The following DTNB variants were observed in gnomAD, a reference collection of about 807,000 sequenced individuals.
DTNB encodes dystrobrevin beta.
Under a neutral mutation model 90.7 loss-of-function variants are expected in DTNB, and 63 were observed. That is an observed-to-expected ratio of 0.69 (90% CI 0.57 to 0.86). DTNB has a LOEUF of 0.86. DTNB is among the 40% of genes least tolerant of loss of function. The pLI, the probability that DTNB is intolerant of heterozygous loss-of-function variation, is 0.00. For missense variants in DTNB, 744 were observed against 807.1 expected, an observed-to-expected ratio of 0.92 and a Z score of 0.95; for synonymous variants, 277 against 286.7, an observed-to-expected ratio of 0.97 and a Z score of 0.34.
At chr2:25,552,567 T>G (rs2056489011) in intron 8 of DTNB, among the ~76,000 whole-genome samples, 1 of 152,196 alleles carries the variant, frequency 6.6e-6, no homozygotes, top group Non-Finnish European at 1.5e-5. Flanking sequence ...TTAGCAGCAA[T>G]GCTCGCCTGC....
chr2:25,387,076 T>C lies in DTNB; in HGVS notation c.1825+213A>G. On this transcript the variant is annotated intron_variant, in intron 18 of 20. Transcript: ENST00000406818. The surrounding 1 kb of genome is among the most constrained non-coding windows in gnomAD (Gnocchi z 4.5). ...TGCTCCACAAGATGCACTCCTGAGA[T>C]AGGCCTGAATGTGAAACCGCCCCTA... is the stretch of plus-strand genomic sequence containing the variant. 3 of 535,218 alleles carry C rather than the reference T, an allele frequency of 5.6e-6. No individual in the cohort carries two copies. Among genetic ancestry groups the C allele is most frequent in the East Asian group, 2.9e-5 (1 of 34,646 alleles). 33.2% of individuals were successfully genotyped at this position (535,218 alleles called of 1,614,324 possible). A position where few individuals can be genotyped will look rare whatever the true frequency, so the allele number is the denominator to read the frequency against.
At chr2:25,395,439 A>C (rs1027379187) in intron 16 of DTNB, among the ~76,000 whole-genome samples, 3 of 151,686 alleles carry the variant, frequency 2.0e-5, no homozygotes, top group African/African-American at 7.3e-5. Flanking sequence ...TAAATATATA[A>C]ATCACAGTAT....
intron 15 of DTNB, among the ~76,000 whole-genome samples, chr2:25,420,520 A>ATCTATCTATCTATCTATCTG (rs869201592): frequency 1.8e-4 from 16 of 89,268 alleles, no homozygotes; most frequent in African/African-American, 4.6e-4. Context: ...CTATCTATCT[A>ATCTATCTATCTATCTATCTG]TCTGTCTGTC....
chr2:25,577,289 T>A (rs1241210918), intron 7 of DTNB, among the ~76,000 whole-genome samples: 6 of 151,846 alleles, frequency 4.0e-5, no homozygotes, highest in Non-Finnish European at 8.8e-5. Flanking sequence ...ACAAAAAAAT[T>A]GGCTGCGCAT....
chr2:25,526,368 TATATATATATATATATATATATA>T (rs1558883639), intron 9 of DTNB, among the ~76,000 whole-genome samples: 8 of 65,860 alleles, frequency 1.2e-4, no homozygotes, highest in African/African-American at 5.1e-4. Flanking sequence ...TATAAATATA[TATATATATATATATATATATATA>T]TATATTTTTT....
At chr2:25,464,758 G>C (rs564239152) in intron 10 of DTNB, among the ~76,000 whole-genome samples, 105 of 152,326 alleles carry the variant, frequency 6.9e-4, no homozygotes, top group African/African-American at 2.5e-3. Flanking sequence ...AAGGGCACTT[G>C]CCTCTGTGTT....
intron 9 of DTNB, among the ~76,000 whole-genome samples, chr2:25,499,074 G>A (rs1295257416): frequency 6.6e-6 from 1 of 151,740 alleles, no homozygotes; most frequent in African/African-American, 2.4e-5. Context: ...AAATTAGCCA[G>A]GCATGGTGGC....
chr2:25,467,564 A>G (rs1316269025), intron 10 of DTNB, among the ~76,000 whole-genome samples: 1 of 152,062 alleles, frequency 6.6e-6, no homozygotes, highest in African/African-American at 2.4e-5. Flanking sequence ...CTGACCTCCC[A>G]AAGTGCTGGG....
In DTNB at chr2:25,570,283, C is replaced by T. The variant is rs1337429277; in HGVS notation, c.876+6555G>A. 2.0e-5 allele frequency among the ~76,000 whole-genome samples: 3 copies of T among 151,680 alleles called. No individual in the cohort carries two copies. The East Asian group carries it at 5.8e-4, about 30-fold the overall frequency. ...ATTATCTGGGAATGGTGGCACACGACTGTAGTCCCAGCTACTCAGGAGGGT... is the reference window on the plus strand; with the variant it reads ...ATTATCTGGGAATGGTGGCACACGATTGTAGTCCCAGCTACTCAGGAGGGT... On this transcript the variant is annotated intron_variant, in intron 8 of 20. Transcript: ENST00000406818.
chr2:25,598,362 T>C (rs866006886), intron 5 of DTNB, among the ~76,000 whole-genome samples: 2 of 152,202 alleles, frequency 1.3e-5, no homozygotes. Flanking sequence ...GTTACCATAC[T>C]GGCCCTGGAC....
At chr2:25,642,610 C>G (rs2078582101) in intron 2 of DTNB, among the ~76,000 whole-genome samples, 1 of 151,550 alleles carries the variant, frequency 6.6e-6, no homozygotes, top group South Asian at 2.1e-4. Context: ...TGGGGTTTCA[C>G]TATGTTGCCC....
chr2:25,437,172 G>C (rs1469553235), intron 12 of DTNB, among the ~76,000 whole-genome samples: 1 of 152,170 alleles, frequency 6.6e-6, no homozygotes, highest in Non-Finnish European at 1.5e-5. Context: ...CCTCAGTGAT[G>C]AGTGTCCAGT....
intron 16 of DTNB, among the ~76,000 whole-genome samples, chr2:25,416,749 AT>A (rs1043066141): frequency 6.6e-6 from 1 of 151,328 alleles, no homozygotes; most frequent in African/African-American, 2.4e-5. Context: ...AGACATTTTG[AT>A]AGGAAAGAAA....
rs186578629 is a variant in DTNB at position 25,609,336 on chromosome 2, C to T, written c.363-2015G>A. The stretch of plus-strand genomic sequence containing the variant: ...CTGATGGGCCGGGTACAGTGGCTCA[C>T]GCCTGTAATCCCAGCACTTTGGGAG... On this transcript the variant is annotated intron_variant, in intron 4 of 20. Transcript: ENST00000406818. 3.4e-3 allele frequency among the ~76,000 whole-genome samples: 517 copies of T among 152,230 alleles called. 12 individuals are homozygous for T. The highest frequency in any genetic ancestry group is 0.027 in the Admixed American group (418 of 15,296).
chr2:25,613,411 T>C (rs957071981), intron 4 of DTNB, among the ~76,000 whole-genome samples: 1 of 152,176 alleles, frequency 6.6e-6, no homozygotes, highest in Non-Finnish European at 1.5e-5. Context: ...GTCCCCACTC[T>C]AGCAGTCCCC....
chr2:25,434,062 GA>G lies in DTNB; in HGVS notation c.1258-68del, dbSNP rs2054859438. 6.3e-6 allele frequency: 9 copies of G among 1,428,648 alleles called. No homozygotes were observed. In the East Asian group the frequency reaches 2.1e-4, roughly 33 times the overall value. The allele number at this position is 1,428,648 out of a possible 1,614,324, so 88.5% of individuals were successfully genotyped here. On this transcript the variant is annotated intron_variant, in intron 12 of 20. Transcript: ENST00000406818. Reference sequence around the variant, plus strand: ...CCAAATATACCCAGAGTTCTAGATTGACTGATTTTTAAAAAAGATTTTTGAC... The same window carrying G: ...CCAAATATACCCAGAGTTCTAGATTGCTGATTTTTAAAAAAGATTTTTGAC...
At chr2:25,416,681 A>G (rs898587953) in intron 16 of DTNB, among the ~76,000 whole-genome samples, 1 of 152,002 alleles carries the variant, frequency 6.6e-6, no homozygotes, top group Non-Finnish European at 1.5e-5. Flanking sequence ...AAAGAAAAAA[A>G]TTTTCCCTAC....
Position 25,529,316 on chromosome 2 carries a change from C to T in DTNB, c.1001+2157G>A, listed in dbSNP as rs80119275. On this transcript the variant is annotated intron_variant, in intron 9 of 20. Coordinates refer to ENST00000406818, the MANE Select transcript of DTNB (RefSeq NM_021907.5). Reference sequence around the variant, plus strand: ...TTATTATTCAAATGCAGAAAGCGAGCGGCTGGGGAAGAGAACTGGATATTC... The same window carrying T: ...TTATTATTCAAATGCAGAAAGCGAGTGGCTGGGGAAGAGAACTGGATATTC... 3.4e-3 allele frequency among the ~76,000 whole-genome samples: 517 copies of T among 152,100 alleles called. 2 individuals carry two copies. The highest frequency in any genetic ancestry group is 0.012 in the African/African-American group (490 of 41,464).
Position 25,396,154 on chromosome 2 carries a change from G to A in DTNB, c.1576-7793C>T, listed in dbSNP as rs140741896. On this transcript the variant is annotated intron_variant, in intron 16 of 20. Coordinates refer to ENST00000406818, the MANE Select transcript of DTNB (RefSeq NM_021907.5). ...GGAACTGGAGACCATTATTCTAAGTGAAGTGACTCAGGAATGGAAAACCAA... is the reference window on the plus strand; with the variant it reads ...GGAACTGGAGACCATTATTCTAAGTAAAGTGACTCAGGAATGGAAAACCAA... Among the ~76,000 whole-genome samples the A allele has an allele frequency of 3.5e-3, 528 of 152,324 alleles. 1 individual carries two copies. Among genetic ancestry groups the A allele is most frequent in the Non-Finnish European group, 5.9e-3 (403 of 68,026 alleles).
Sources: gnomAD v4.1 joint callset for allele counts (sites outside exome capture counted in the v4.1 genomes callset) on GRCh38, gnomAD v4.1.1 for gene constraint, Gnocchi (gnomAD v3.1) non-coding constraint, MANE v1.5 for transcripts, NCBI Gene and HGNC (gene_info 2026-07-23, HGNC 2026-07-21) for gene names.